PCGF5: variants seen among roughly 807,000 people sequenced by gnomAD.
The protein encoded by PCGF5 is polycomb group RING finger protein 5.
In PCGF5, 9 loss-of-function variants were observed where a neutral mutation model predicts 44.3. The observed-to-expected ratio is 0.20, with a 90% CI of 0.12 to 0.35. The LOEUF (loss-of-function observed/expected upper bound fraction) is 0.35. Ranked by LOEUF, PCGF5 falls within the 10% of genes least tolerant of loss-of-function variation. The probability of loss-of-function intolerance (pLI) is 1.00; values close to 1 mark genes in which losing one functional copy is unlikely to be tolerated. For missense variants in PCGF5, 146 were observed against 305.3 expected (o/e 0.48, Z 3.89); for synonymous variants, 95 against 102.5 (o/e 0.93, Z 0.44).
intron 6 of PCGF5, among the ~76,000 whole-genome samples, chr10:91,256,793 T>A (rs958681042): frequency 6.6e-6 from 1 of 151,876 alleles, no homozygotes; most frequent in Non-Finnish European, 1.5e-5. Context: ...ATATGCAGAG[T>A]GCTCAAAGAA....
At chr10:91,198,314 C>G (rs555590153) in intron 1 of PCGF5, among the ~76,000 whole-genome samples, 7 of 152,212 alleles carry the variant, frequency 4.6e-5, no homozygotes, top group Non-Finnish European at 8.8e-5. Context: ...GAACCTTGGA[C>G]ATCAGCATCG....
At chr10:91,204,867 A>G (rs910019156) in intron 1 of PCGF5, among the ~76,000 whole-genome samples, 1 of 152,344 alleles carries the variant, frequency 6.6e-6, no homozygotes, top group African/African-American at 2.4e-5. Flanking sequence ...TTATCTGGGC[A>G]CAATGGTGAA....
chr10:91,209,865 A>T (rs919161979), intron 1 of PCGF5, among the ~76,000 whole-genome samples: 3 of 152,228 alleles, frequency 2.0e-5, no homozygotes, highest in East Asian at 1.9e-4. Context: ...GTAGCTATCA[A>T]TGGGCATTAG....
chr10:91,243,292 TGTG>T (rs757962489), intron 3 of PCGF5, among the ~76,000 whole-genome samples: 20 of 152,130 alleles, frequency 1.3e-4, no homozygotes, highest in Admixed American at 2.6e-4. Flanking sequence ...GGTAAAGGGA[TGTG>T]GTGGGTTTTG....
At chr10:91,265,071 G>T (rs77936488) in intron 8 of PCGF5, among the ~76,000 whole-genome samples, 6 of 152,214 alleles carry the variant, frequency 3.9e-5, no homozygotes, top group African/African-American at 1.4e-4. Flanking sequence ...TGGGAGAAAT[G>T]ATTCAAAGGA....
At chr10:91,249,853 T>C (rs905431830) in intron 5 of PCGF5, among the ~76,000 whole-genome samples, 1 of 152,004 alleles carries the variant, frequency 6.6e-6, no homozygotes, top group Non-Finnish European at 1.5e-5. Flanking sequence ...TACCCACGTG[T>C]ACACTGCAAT....
intron 7 of PCGF5, among the ~76,000 whole-genome samples, chr10:91,262,911 C>A (rs1432276583): frequency 6.6e-6 from 1 of 152,110 alleles, no homozygotes; most frequent in Non-Finnish European, 1.5e-5. Flanking sequence ...CCTTTTAAGT[C>A]TGATTCATTG....
intron 1 of PCGF5, among the ~76,000 whole-genome samples, chr10:91,213,115 G>A (rs1366251031): frequency 1.3e-5 from 2 of 152,140 alleles, no homozygotes; most frequent in East Asian, 3.8e-4. Context: ...GTGTTTTCAA[G>A]GGTCAAAGCT....
chr10:91,236,507 C>A (rs1845166978), intron 2 of PCGF5, among the ~76,000 whole-genome samples: 1 of 152,170 alleles, frequency 6.6e-6, no homozygotes, highest in South Asian at 2.1e-4. Context: ...GAAGACTCTA[C>A]TTGGTCTGTA....
chr10:91,246,728 C>T (rs1845468087), intron 3 of PCGF5, among the ~76,000 whole-genome samples: 1 of 151,890 alleles, frequency 6.6e-6, no homozygotes, highest in African/African-American at 2.4e-5. Context: ...AAGTTAAGAT[C>T]ATTCTCATAT....
At chr10:91,192,803 T>A (rs993669710) in intron 1 of PCGF5, among the ~76,000 whole-genome samples, 16 of 152,156 alleles carry the variant, frequency 1.1e-4, no homozygotes, top group African/African-American at 3.9e-4. Flanking sequence ...GGAGCTGGGT[T>A]GTAGTATAAA....
intron 1 of PCGF5, among the ~76,000 whole-genome samples, chr10:91,210,472 A>G (rs1011789860): frequency 1.3e-5 from 2 of 152,216 alleles, no homozygotes; most frequent in African/African-American, 4.8e-5. Context: ...AGAGGATGCC[A>G]CCTGAAGATC....
At chr10:91,241,948 A>T (rs948441127) in intron 3 of PCGF5, among the ~76,000 whole-genome samples, 1 of 152,182 alleles carries the variant, frequency 6.6e-6, no homozygotes, top group Non-Finnish European at 1.5e-5. Context: ...CTGCTAACTC[A>T]GAAACTTTGG....
At chr10:91,160,941 G>A (rs1008780453), upstream of PCGF5, among the ~76,000 whole-genome samples, 1 of 152,200 alleles carries the variant, frequency 6.6e-6, no homozygotes, top group African/African-American at 2.4e-5. Context: ...TCCTTTTGCG[G>A]CTGTCACATA....
At chr10:91,216,856 T>C (rs7075893), upstream of PCGF5, among the ~76,000 whole-genome samples, 7,657 of 152,234 alleles carry the variant, frequency 0.05, 624 homozygotes, top group African/African-American at 0.17. Flanking sequence ...GTTATAATAT[T>C]CATGGTCATA....
chr10:91,253,897 C>T (rs1179081808), intron 6 of PCGF5, among the ~76,000 whole-genome samples: 1 of 151,988 alleles, frequency 6.6e-6, no homozygotes, highest in Non-Finnish European at 1.5e-5. Flanking sequence ...AGCACTAAAG[C>T]AGCACAGACA....
At chr10:91,269,002 G>GA (rs201051260) in intron 8 of PCGF5, among the ~76,000 whole-genome samples, 137 of 149,354 alleles carry the variant, frequency 9.2e-4, no homozygotes, top group African/African-American at 1.4e-3. Context: ...GAGGAAAAAG[G>GA]AAAAAAAAAC....
In PCGF5 at chr10:91,278,580, T is replaced by C. The variant is rs536850602; in HGVS notation, c.*264T>C. ...CAAGTCATGGTAAAAATCAGTTAGC[T>C]GTGCCGCCATGATTCACCCTTCTGA... On this transcript the variant is annotated 3_prime_UTR_variant, in exon 10 of 10. Coordinates refer to ENST00000336126, the MANE Select transcript of PCGF5 (RefSeq NM_032373.5). 2.8e-4 allele frequency: 117 copies of C among 415,612 alleles called. No individual in the cohort carries two copies. The highest frequency in any genetic ancestry group is 5.1e-4 in the Middle Eastern group (1 of 1,960). The allele number at this position is 415,612 out of a possible 1,614,324, so 25.7% of individuals were successfully genotyped here.
intron 1 of PCGF5, among the ~76,000 whole-genome samples, chr10:91,174,875 A>G (rs1413400976): frequency 6.6e-6 from 1 of 152,250 alleles, no homozygotes; most frequent in Non-Finnish European, 1.5e-5. Flanking sequence ...ACACCATTAC[A>G]GGCATGGTAA....
Sources: allele counts gnomAD v4.1 joint callset (sites outside exome capture counted in the v4.1 genomes callset), GRCh38; gene constraint gnomAD v4.1.1; transcripts MANE v1.5; gene names NCBI Gene and HGNC (gene_info 2026-07-23, HGNC 2026-07-21).